Variants in ADAMTS12 observed in about 807,000 individuals in gnomAD.
ADAMTS12 encodes the protein ADAM metallopeptidase with thrombospondin type 1 motif 12.
Under a neutral mutation model 167.8 loss-of-function variants are expected in ADAMTS12, and 118 were observed. The ratio of observed to expected loss-of-function variants is 0.70; its 90% CI spans 0.61 to 0.82. The LOEUF is 0.82. Among genes scored for constraint, ADAMTS12 ranks in the 40% least tolerant of loss-of-function variants. The pLI is 0.00. For missense variants in ADAMTS12, 1,916 were observed against 1,998.8 expected (o/e 0.96, Z 0.79); for synonymous variants, 704 against 716.9 (o/e 0.98, Z 0.29).
In ADAMTS12 at chr5:33,731,527, G is replaced by A. The variant is rs563384646; in HGVS notation, c.634+19877C>T. Among the ~76,000 whole-genome samples, 13 of 152,358 alleles carry A rather than the reference G, an allele frequency of 8.5e-5. No homozygotes were observed. In the South Asian group the frequency reaches 2.7e-3, roughly 32 times the overall value. On this transcript the variant is annotated intron_variant, in intron 3 of 23. Transcript: ENST00000504830. ...GCATGATAATGAGGCAAGGCAGCCA[G>A]CAGAGGCTGGGACATGCACTCCAGC...
intron 2 of ADAMTS12, among the ~76,000 whole-genome samples, chr5:33,833,279 C>T (rs1748376407): frequency 6.6e-6 from 1 of 152,168 alleles, no homozygotes; most frequent in Non-Finnish European, 1.5e-5. Context: ...ACCCATTGGC[C>T]TCATTGGACT....
intron 7 of ADAMTS12, among the ~76,000 whole-genome samples, chr5:33,652,968 C>A (rs1404270298): frequency 2.6e-5 from 4 of 152,052 alleles, no homozygotes; most frequent in Non-Finnish European, 5.9e-5. Flanking sequence ...TACTTGCAAA[C>A]AGGGATAGTT....
At chr5:33,823,813 G>A (rs1047513015) in intron 2 of ADAMTS12, among the ~76,000 whole-genome samples, 1 of 152,046 alleles carries the variant, frequency 6.6e-6, no homozygotes, top group African/African-American at 2.4e-5. Context: ...TTCCTTCAAT[G>A]AGAAAAAATT....
intron 3 of ADAMTS12, among the ~76,000 whole-genome samples, chr5:33,724,243 C>A (rs1579876115): frequency 6.6e-6 from 1 of 152,254 alleles, no homozygotes; most frequent in East Asian, 1.9e-4. Context: ...GATGTGGAGG[C>A]CCAACATAGA....
At chr5:33,572,110 C>T (rs1477246573) in intron 19 of ADAMTS12, among the ~76,000 whole-genome samples, 5 of 152,104 alleles carry the variant, frequency 3.3e-5, no homozygotes, top group East Asian at 3.9e-4. Context: ...TAATCAATAG[C>T]TTACCAACCA....
At chr5:33,875,411 C>T (rs1222992035) in intron 2 of ADAMTS12, among the ~76,000 whole-genome samples, 2 of 152,126 alleles carry the variant, frequency 1.3e-5, no homozygotes, top group Admixed American at 6.5e-5. Context: ...ATGGGAGAAG[C>T]TATGTATATA....
chr5:33,640,795 C>T (rs1298774357), intron 11 of ADAMTS12, among the ~76,000 whole-genome samples: 1 of 149,750 alleles, frequency 6.7e-6, no homozygotes, highest in Non-Finnish European at 1.5e-5. Context: ...ACTTATTAAC[C>T]CTTAGAAAAA....
intron 3 of ADAMTS12, among the ~76,000 whole-genome samples, chr5:33,699,328 A>G (rs1742907214): frequency 1.3e-5 from 2 of 152,044 alleles, no homozygotes; most frequent in African/African-American, 4.8e-5. Context: ...GGTCTTCTCG[A>G]CTAAGATGTT....
At chr5:33,687,676 G>C (rs1742385154) in intron 3 of ADAMTS12, among the ~76,000 whole-genome samples, 1 of 152,216 alleles carries the variant, frequency 6.6e-6, no homozygotes, top group South Asian at 2.1e-4. Context: ...TTGCGGAAGT[G>C]GTAAGATCTG....
In ADAMTS12 at chr5:33,583,813, A is replaced by T. The variant is rs148910738; in HGVS notation, c.2865+4786T>A. On this transcript the variant is annotated intron_variant, in intron 18 of 23. Coordinates refer to ENST00000504830, the MANE Select transcript of ADAMTS12 (RefSeq NM_030955.4). ...CTTCTTTTGAGAAATGTCTATTGAA[A>T]TCTTTTGTGAAAGGCTTTATTTTTT... Among the ~76,000 whole-genome samples, 3 of 152,270 alleles carry T rather than the reference A, an allele frequency of 2.0e-5. No individual in the cohort carries two copies. The East Asian group carries it at 5.8e-4, about 29-fold the overall frequency.
chr5:33,634,332 A>G (rs1740094066), intron 12 of ADAMTS12, among the ~76,000 whole-genome samples: 1 of 152,072 alleles, frequency 6.6e-6, no homozygotes, highest in African/African-American at 2.4e-5. Context: ...TCTGTCTTGC[A>G]ATTCTTAAAC....
At chr5:33,781,512 C>T (rs906239251) in intron 2 of ADAMTS12, among the ~76,000 whole-genome samples, 2 of 152,110 alleles carry the variant, frequency 1.3e-5, no homozygotes, top group African/African-American at 4.8e-5. Context: ...ACATGACTCA[C>T]ATTGACCAGG....
At chr5:33,583,501 A>G (rs1747180856) in intron 18 of ADAMTS12, among the ~76,000 whole-genome samples, 1 of 152,154 alleles carries the variant, frequency 6.6e-6, no homozygotes, top group African/African-American at 2.4e-5. Flanking sequence ...TCTTTTTGGT[A>G]TATACCCAGC....
chr5:33,530,366 T>C (rs1053081283), intron 23 of ADAMTS12, among the ~76,000 whole-genome samples: 5 of 152,240 alleles, frequency 3.3e-5, no homozygotes, highest in Non-Finnish European at 7.3e-5. Flanking sequence ...TGTTGTTCAC[T>C]GGACCTGGGC....
chr5:33,532,472 A>ATTT (rs55826401), intron 23 of ADAMTS12, among the ~76,000 whole-genome samples: 1 of 139,432 alleles, frequency 7.2e-6, no homozygotes, highest in Admixed American at 7.3e-5. Context: ...TACTGTTTCT[A>ATTT]TTTTTTTTTT....
chr5:33,548,671 AC>A (rs1745100606), intron 21 of ADAMTS12, among the ~76,000 whole-genome samples: 1 of 151,110 alleles, frequency 6.6e-6, no homozygotes, highest in African/African-American at 2.4e-5. Flanking sequence ...TAAAACTAAG[AC>A]CCAGCAGAGC....
At chr5:33,837,738 A>G (rs75910610) in intron 2 of ADAMTS12, among the ~76,000 whole-genome samples, 5 of 152,252 alleles carry the variant, frequency 3.3e-5, no homozygotes, top group Non-Finnish European at 7.3e-5. Context: ...AGACGGGTCC[A>G]TGACAGTGAC....
At chr5:33,665,517 T>C (rs991221788) in intron 5 of ADAMTS12, among the ~76,000 whole-genome samples, 2 of 152,076 alleles carry the variant, frequency 1.3e-5, no homozygotes, top group African/African-American at 4.8e-5. Context: ...TTTTTATCAA[T>C]TAAAAATAAA....
At chr5:33,626,268 T>C (rs1017033728) in intron 13 of ADAMTS12, among the ~76,000 whole-genome samples, 11 of 147,374 alleles carry the variant, frequency 7.5e-5, no homozygotes, top group South Asian at 2.2e-4. Flanking sequence ...ATGGTGGTAG[T>C]GGTGGGGGTG....
Sources: allele counts gnomAD v4.1 joint callset (sites outside exome capture counted in the v4.1 genomes callset), GRCh38; gene constraint gnomAD v4.1.1; transcripts MANE v1.5; gene names NCBI Gene and HGNC (gene_info 2026-07-23, HGNC 2026-07-21).